Variants in CYSLTR2 observed in about 807,000 individuals in gnomAD.
CYSLTR2 encodes G-protein coupled receptor GPCR21.
For synonymous variants in CYSLTR2, 179 were observed against 160.8 expected, an observed-to-expected ratio of 1.11 and a Z score of -0.86; for missense variants, 398 against 411.9, an observed-to-expected ratio of 0.97 and a Z score of 0.29.
At chr13:48,665,432 G>A (rs1953237318) in intron 1 of CYSLTR2, among the ~76,000 whole-genome samples, 1 of 152,028 alleles carries the variant, frequency 6.6e-6, no homozygotes, top group South Asian at 2.1e-4. Context: ...CCCAGATATT[G>A]TTGTATTGGG....
intron 4 of CYSLTR2, among the ~76,000 whole-genome samples, chr13:48,699,967 A>G (rs1452425438): frequency 6.6e-6 from 1 of 152,216 alleles, no homozygotes; most frequent in Non-Finnish European, 1.5e-5. Context: ...AGACTAAATC[A>G]GAAAGAAGTT....
chr13:48,675,584 G>C (rs1593963074), intron 1 of CYSLTR2, among the ~76,000 whole-genome samples: 1 of 119,316 alleles, frequency 8.4e-6, no homozygotes, highest in Non-Finnish European at 1.7e-5. Context: ...TGGGCTTTGT[G>C]GGGGTGCATC....
chr13:48,663,960 A>T (rs1369078738), intron 1 of CYSLTR2, among the ~76,000 whole-genome samples: 1 of 151,986 alleles, frequency 6.6e-6, no homozygotes, highest in East Asian at 1.9e-4. Context: ...GTTTGCTGTG[A>T]GTTTGTCACA....
At chr13:48,704,251 A>G (rs1954422518) in intron 4 of CYSLTR2, among the ~76,000 whole-genome samples, 1 of 152,206 alleles carries the variant, frequency 6.6e-6, no homozygotes, top group Non-Finnish European at 1.5e-5. Context: ...CTGGCCAGGC[A>G]TGGTGGCCCA....
intron 1 of CYSLTR2, among the ~76,000 whole-genome samples, chr13:48,682,039 C>A (rs749773722): frequency 1.6e-4 from 24 of 152,038 alleles, no homozygotes; most frequent in Non-Finnish European, 3.5e-4. Context: ...TGTAATGAAA[C>A]CTTTATGTAA....
chr13:48,692,929 T>G (rs1954074707), intron 2 of CYSLTR2, among the ~76,000 whole-genome samples: 1 of 151,800 alleles, frequency 6.6e-6, no homozygotes, highest in East Asian at 1.9e-4. Context: ...TATTTAGAAA[T>G]TGTGTAGGCA....
chr13:48,661,845 C>G (rs1555254930), intron 1 of CYSLTR2, among the ~76,000 whole-genome samples: 1 of 152,004 alleles, frequency 6.6e-6, no homozygotes, highest in Non-Finnish European at 1.5e-5. Flanking sequence ...TTATCATTTC[C>G]TTTTGTTGGG....
At chr13:48,673,181 A>G (rs1479728001) in intron 1 of CYSLTR2, among the ~76,000 whole-genome samples, 1 of 152,114 alleles carries the variant, frequency 6.6e-6, no homozygotes, top group Non-Finnish European at 1.5e-5. Context: ...TGTCTCATTT[A>G]TCTTTCTAAT....
intron 1 of CYSLTR2, among the ~76,000 whole-genome samples, chr13:48,671,150 G>T (rs568707469): frequency 5.3e-5 from 8 of 152,148 alleles, no homozygotes; most frequent in Non-Finnish European, 1.0e-4. Flanking sequence ...TTTGCTGAAG[G>T]TGCTTATCAG....
At chr13:48,673,028 T>C (rs1285371563) in intron 1 of CYSLTR2, among the ~76,000 whole-genome samples, 2 of 152,204 alleles carry the variant, frequency 1.3e-5, no homozygotes, top group African/African-American at 4.8e-5. Context: ...CTTCCAATTA[T>C]GTGGTCAATT....
rs372670890 is a variant in CYSLTR2, at chr13:48,654,306, AGTGT to A, written c.-266+306_-266+309del. 1.4e-3 allele frequency among the ~76,000 whole-genome samples: 56 copies of A among 40,566 alleles called. 1 individual carries two copies. The highest frequency in any genetic ancestry group is 5.0e-4 in the African/African-American group (4 of 7,958). The allele number at this position is 40,566 out of a possible 152,430, so 26.6% of individuals were successfully genotyped here. On this transcript the variant is annotated intron_variant, in intron 1 of 4. Coordinates refer to ENST00000682523, the MANE Select transcript of CYSLTR2 (RefSeq NM_001308476.3). ...GTGTGTGTGTGTGTGTGTGTGTGTG[AGTGT>A]GTGTGTGTGTGTGTGTATGCACATA...
rs2139014108 is a variant in CYSLTR2 at position 48,707,610 on chromosome 13, A to G, written c.793A>G (p.Thr265Ala). The change falls in exon 5 of 5, where the codon ACA (threonine) becomes GCA (alanine). Residue 265 changes from threonine to alanine, a missense_variant. By Grantham distance (58) the Thr-to-Ala change is moderately conservative. Transcript: ENST00000682523. ...CTTCTTGTGTTTCCTGCCCTATCAC[A>G]CACTGAGGACCGTCCACTTGACGAC... is the stretch of plus-strand genomic sequence containing the variant. ...IFFLCFLPYH[T>A]LRTVHLTTWK... The G allele has an allele frequency of 6.2e-7, 1 of 1,612,362 alleles. No homozygotes were observed. The highest frequency in any genetic ancestry group is 2.2e-5 in the East Asian group (1 of 44,880).
intron 1 of CYSLTR2, among the ~76,000 whole-genome samples, chr13:48,676,007 G>A (rs940438991): frequency 6.6e-6 from 1 of 152,204 alleles, no homozygotes; most frequent in African/African-American, 2.4e-5. Context: ...AATGAGATGA[G>A]CTGGGTACCT....
chr13:48,665,925 T>C (rs754195809), intron 1 of CYSLTR2, among the ~76,000 whole-genome samples: 1 of 152,148 alleles, frequency 6.6e-6, no homozygotes, highest in African/African-American at 2.4e-5. Flanking sequence ...ATCTTTGCAA[T>C]TGAATGGTTT....
chr13:48,666,192 T>A lies in CYSLTR2; in HGVS notation c.-266+12175T>A, dbSNP rs377696047. On this transcript the variant is annotated intron_variant, in intron 1 of 4. Coordinates refer to ENST00000682523, the MANE Select transcript of CYSLTR2 (RefSeq NM_001308476.3). ...TGGTATAATATTCTTCATGGACAGG[T>A]TTTTTCTTTTGGTATGTTGAATTTA... Among the ~76,000 whole-genome samples the A allele has an allele frequency of 2.6e-5, 4 of 152,058 alleles. 1 individual carries two copies. Among genetic ancestry groups the A allele is most frequent in the East Asian group, 1.9e-4 (1 of 5,184 alleles).
Position 48,710,453 on chromosome 13 carries a change from C to T in CYSLTR2, c.*2595C>T, listed in dbSNP as rs1434495215. 6.6e-6 allele frequency: 1 copy of T among 152,176 alleles called. No homozygotes were observed. The highest frequency in any genetic ancestry group is 2.4e-5 in the African/African-American group (1 of 41,446). The allele number at this position is 152,176 out of a possible 1,614,324, so 9.4% of individuals were successfully genotyped here. A position where few individuals can be genotyped will look rare whatever the true frequency, so the allele number is the denominator to read the frequency against. On this transcript the variant is annotated 3_prime_UTR_variant, in exon 5 of 5. Transcript: ENST00000682523. ...TTGTGTTAAAGTCACTCTTATTTTACTTACTAATGTCCCCAAAGCATAAGA... is the reference window on the plus strand; with the variant it reads ...TTGTGTTAAAGTCACTCTTATTTTATTTACTAATGTCCCCAAAGCATAAGA...
Position 48,706,882 on chromosome 13 carries a change from C to A in CYSLTR2, c.65C>A (p.Thr22Asn), listed in dbSNP as rs767101266. The A allele has an allele frequency of 7.4e-6, 12 of 1,614,030 alleles. No individual in the cohort carries two copies. Among genetic ancestry groups the A allele is most frequent in the South Asian group, 3.3e-5 (3 of 91,086 alleles). The change falls in exon 5 of 5, where the codon ACC (threonine) becomes AAC (asparagine). Residue 22 changes from threonine to asparagine, a missense_variant. Transcript: ENST00000682523. ...GTATCAGAAATGGAACCAAATGGCA[C>A]CTTCAGCAATAACAACAGCAGGAAC... ...ISVSEMEPNG[T>N]FSNNNSRNCT...
chr13:48,692,664 G>A (rs1954068003), intron 2 of CYSLTR2, among the ~76,000 whole-genome samples: 1 of 151,092 alleles, frequency 6.6e-6, no homozygotes. Context: ...GTGTTTCTCT[G>A]TATTAAACAT....
At chr13:48,684,384 T>G (rs1050002688) in intron 1 of CYSLTR2, among the ~76,000 whole-genome samples, 2 of 151,634 alleles carry the variant, frequency 1.3e-5, no homozygotes, top group Non-Finnish European at 2.9e-5. Context: ...ACTCTCACAT[T>G]CCCATAAGGT....
Sources: allele counts gnomAD v4.1 joint callset (sites outside exome capture counted in the v4.1 genomes callset), GRCh38; gene constraint gnomAD v4.1.1; transcripts MANE v1.5; gene names NCBI Gene and HGNC (gene_info 2026-07-23, HGNC 2026-07-21).